VWC2L: variants seen among roughly 807,000 people sequenced by gnomAD.
VWC2L encodes the protein von Willebrand factor C domain-containing protein 2-like.
Under a neutral mutation model 21.6 loss-of-function variants are expected in VWC2L, and 10 were observed. That is an observed-to-expected ratio of 0.46 (90% CI 0.29 to 0.78). The LOEUF is 0.78. Among genes scored for constraint, VWC2L ranks in the 30% least tolerant of loss-of-function variants. VWC2L has a pLI of 0.10. For missense variants in VWC2L, 209 were observed against 277.1 expected (o/e 0.75, Z 1.74); for synonymous variants, 96 against 94.3 (o/e 1.02, Z -0.10).
intron 3 of VWC2L, among the ~76,000 whole-genome samples, chr2:214,472,722 G>C (rs569307882): frequency 6.6e-6 from 1 of 152,328 alleles, no homozygotes; most frequent in East Asian, 1.9e-4. Flanking sequence ...ACCATTCTGG[G>C]CTGGCCTCAC....
At chr2:214,494,163 C>T (rs1355490522) in intron 3 of VWC2L, among the ~76,000 whole-genome samples, 1 of 152,122 alleles carries the variant, frequency 6.6e-6, no homozygotes, top group Non-Finnish European at 1.5e-5. Context: ...TCTTATTCAG[C>T]ATAACTTTAT....
intron 3 of VWC2L, among the ~76,000 whole-genome samples, chr2:214,522,779 T>C (rs1440172085): frequency 6.6e-6 from 1 of 152,204 alleles, no homozygotes; most frequent in Non-Finnish European, 1.5e-5. Flanking sequence ...CAATAGCTAT[T>C]TTATAGAATA....
intron 3 of VWC2L, among the ~76,000 whole-genome samples, chr2:214,481,011 C>T (rs1482383913): frequency 6.6e-6 from 1 of 151,782 alleles, no homozygotes; most frequent in African/African-American, 2.4e-5. Flanking sequence ...AGCTAAAGTA[C>T]TGAGCTAAGT....
intron 3 of VWC2L, among the ~76,000 whole-genome samples, chr2:214,566,977 C>G (rs548651950): frequency 6.6e-6 from 1 of 152,252 alleles, no homozygotes; most frequent in South Asian, 2.1e-4. Context: ...AGACTAAGGC[C>G]TACAAGCCTA....
At chr2:214,559,279 C>A (rs556509012) in intron 3 of VWC2L, among the ~76,000 whole-genome samples, 1 of 152,072 alleles carries the variant, frequency 6.6e-6, no homozygotes, top group Non-Finnish European at 1.5e-5. Flanking sequence ...AAATCAAAAC[C>A]ACAATGAGAA....
chr2:214,524,853 T>C (rs1405824785), intron 3 of VWC2L, among the ~76,000 whole-genome samples: 1 of 151,902 alleles, frequency 6.6e-6, no homozygotes, highest in African/African-American at 2.4e-5. Context: ...GAATCTTGAC[T>C]CAAAGTTTAG....
intron 3 of VWC2L, among the ~76,000 whole-genome samples, chr2:214,524,746 C>A (rs1226924032): frequency 6.6e-6 from 1 of 151,974 alleles, no homozygotes; most frequent in African/African-American, 2.4e-5. Flanking sequence ...CTCACTAATG[C>A]CCTCGTCTCT....
chr2:214,522,158 G>A (rs1156677778), intron 3 of VWC2L, among the ~76,000 whole-genome samples: 2 of 152,096 alleles, frequency 1.3e-5, no homozygotes, highest in South Asian at 2.1e-4. Context: ...GGTGGATCAC[G>A]AGGTCAGGAG....
At chr2:214,468,359 T>G (rs567812275) in intron 3 of VWC2L, among the ~76,000 whole-genome samples, 26 of 152,290 alleles carry the variant, frequency 1.7e-4, no homozygotes, top group African/African-American at 6.3e-4. Context: ...TGAGGAAAAC[T>G]AGGGTTAAAA....
At chr2:214,446,306 C>T (rs1459217387) in intron 3 of VWC2L, among the ~76,000 whole-genome samples, 1 of 152,160 alleles carries the variant, frequency 6.6e-6, no homozygotes, top group Non-Finnish European at 1.5e-5. Context: ...TCAGAATTAT[C>T]ATATTCTTAT....
intron 3 of VWC2L, among the ~76,000 whole-genome samples, chr2:214,541,748 C>A (rs1313460419): frequency 2.0e-5 from 3 of 152,134 alleles, no homozygotes; most frequent in Admixed American, 6.6e-5. Flanking sequence ...CTGTGCCTGA[C>A]AACTAGCACA....
At chr2:214,481,923 T>G (rs1353937788) in intron 3 of VWC2L, among the ~76,000 whole-genome samples, 1 of 152,180 alleles carries the variant, frequency 6.6e-6, no homozygotes, top group African/African-American at 2.4e-5. Context: ...GTAAATGTTC[T>G]TAGTTAACAG....
chr2:214,539,744 G>A (rs1689598333), intron 3 of VWC2L, among the ~76,000 whole-genome samples: 1 of 151,998 alleles, frequency 6.6e-6, no homozygotes, highest in Admixed American at 6.6e-5. Flanking sequence ...AACTTTCCTG[G>A]AACAGACTGT....
intron 3 of VWC2L, among the ~76,000 whole-genome samples, chr2:214,555,934 T>C (rs1689865998): frequency 6.6e-6 from 1 of 152,158 alleles, no homozygotes; most frequent in Non-Finnish European, 1.5e-5. Flanking sequence ...ATGTTTATGA[T>C]GAAAGGCAAA....
chr2:214,553,578 C>T (rs139024698), intron 3 of VWC2L, among the ~76,000 whole-genome samples: 118 of 152,256 alleles, frequency 7.8e-4, no homozygotes, highest in Admixed American at 4.3e-3. Context: ...GTGAAGCCTC[C>T]AGGTAGCAGG....
At chr2:214,552,390 T>C (rs113270895) in intron 3 of VWC2L, among the ~76,000 whole-genome samples, 34 of 152,230 alleles carry the variant, frequency 2.2e-4, no homozygotes, top group South Asian at 1.2e-3. Context: ...GCTTTTTTTT[T>C]CCCCACATCT....
chr2:214,478,735 T>C (rs1688561261), intron 3 of VWC2L, among the ~76,000 whole-genome samples: 1 of 152,072 alleles, frequency 6.6e-6, no homozygotes, highest in African/African-American at 2.4e-5. Context: ...CCTTAAATAC[T>C]CAATCCCCTC....
chr2:214,535,147 T>C (rs927500822), intron 3 of VWC2L, among the ~76,000 whole-genome samples: 1 of 152,094 alleles, frequency 6.6e-6, no homozygotes, highest in Admixed American at 6.6e-5. Flanking sequence ...AACAATAAAG[T>C]CTGCTTTAAA....
At chr2:214,549,825 T>C (rs1054545014) in intron 3 of VWC2L, among the ~76,000 whole-genome samples, 2 of 152,170 alleles carry the variant, frequency 1.3e-5, no homozygotes, top group Non-Finnish European at 2.9e-5. Context: ...TATATTTATG[T>C]TATCAAAGAC....
Sources: allele counts gnomAD v4.1 joint callset (sites outside exome capture counted in the v4.1 genomes callset), GRCh38; gene constraint gnomAD v4.1.1; transcripts MANE v1.5; gene names NCBI Gene and HGNC (gene_info 2026-07-23, HGNC 2026-07-21).